Variants in OSBPL5 observed in about 807,000 individuals in gnomAD.
OSBPL5 encodes the protein oxysterol binding protein like 5, also known as oxysterol-binding protein-related protein 5.
A neutral mutation model predicts 111.2 loss-of-function variants in OSBPL5; 71 were observed. The observed-to-expected ratio is 0.64, with a 90% CI of 0.53 to 0.78. The LOEUF (loss-of-function observed/expected upper bound fraction) is 0.78, where lower values mean the gene tolerates loss of function less well. Among genes scored for constraint, OSBPL5 ranks in the 30% least tolerant of loss-of-function variants. The pLI, the probability that OSBPL5 is intolerant of heterozygous loss-of-function variation, is 0.00. For missense variants in OSBPL5, 1,210 were observed against 1,189.3 expected, an observed-to-expected ratio of 1.02 and a Z score of -0.26; for synonymous variants, 549 against 513.9, an observed-to-expected ratio of 1.07 and a Z score of -0.93.
At chr11:3,156,994 CA>C (rs1323146958) in intron 1 of OSBPL5, among the ~76,000 whole-genome samples, 18 of 152,394 alleles carry the variant, frequency 1.2e-4, no homozygotes, top group African/African-American at 4.3e-4. Context: ...ACCCCGTCCA[CA>C]AGGTCAGACG....
At chr11:3,103,759 C>CTGCAGCCCCCTTCCAGCCTA (rs1564829871) in intron 10 of OSBPL5, among the ~76,000 whole-genome samples, 3 of 51,312 alleles carry the variant, frequency 5.8e-5, no homozygotes, top group African/African-American at 2.2e-4. Context: ...TCTTCCAGCT[C>CTGCAGCCCCCTTCCAGCCTA]TGCAGCCCCC....
chr11:3,111,520 C>T (rs947857054), intron 7 of OSBPL5, among the ~76,000 whole-genome samples: 11 of 152,176 alleles, frequency 7.2e-5, no homozygotes, highest in African/African-American at 2.2e-4. Flanking sequence ...GTAAGTTGTG[C>T]GATTGTTTGT....
chr11:3,112,057 ATGTGTATG>A (rs1554898279), intron 7 of OSBPL5, among the ~76,000 whole-genome samples: 2 of 118,242 alleles, frequency 1.7e-5, no homozygotes, highest in Admixed American at 7.6e-5. Flanking sequence ...ATGTGTGTGC[ATGTGTATG>A]TGTGTGTGCA....
chr11:3,150,140 G>C (rs1272955526), intron 1 of OSBPL5, among the ~76,000 whole-genome samples: 6 of 152,134 alleles, frequency 3.9e-5, no homozygotes, highest in Non-Finnish European at 8.8e-5. Flanking sequence ...CTTCCCAAGA[G>C]GGCACTGTTG....
At position 3,126,668 on chromosome 11, in the gene OSBPL5, C is replaced by T; in HGVS notation, c.137-113G>A. 1 of 826,156 alleles carries T rather than the reference C, an allele frequency of 1.2e-6. No individual in the cohort carries two copies. Among genetic ancestry groups the T allele is most frequent in the Admixed American group, 2.8e-5 (1 of 36,024 alleles). The allele number at this position is 826,156 out of a possible 1,614,324, so 51.2% of individuals were successfully genotyped here. On this transcript the variant is annotated intron_variant, in intron 2 of 21. Transcript: ENST00000263650. The surrounding 1 kb of genome is among the most constrained non-coding windows in gnomAD (Gnocchi z 6.5). ...GTGGGTGCGGATGACCTGGGAGGGG[C>T]AGGAAGTCAGCCGGAGGTGGTGGCA...
At position 3,107,698 on chromosome 11, in the gene OSBPL5, C is replaced by T; in HGVS notation, c.866+73G>A. ...CCACCAGAGCAGTGGCTGGGGCTGT[C>T]CTCTCCCCTCTTCCTCGCCTACAAG... On this transcript the variant is annotated intron_variant, in intron 8 of 21. Transcript: ENST00000263650. The surrounding 1 kb of genome is among the most constrained non-coding windows in gnomAD (Gnocchi z 6.1). 7.0e-6 allele frequency: 11 copies of T among 1,566,048 alleles called. No individual in the cohort carries two copies. Among genetic ancestry groups the T allele is most frequent in the Non-Finnish European group, 9.5e-6 (11 of 1,153,408 alleles).
At chr11:3,090,312 G>A (rs1349883214) in intron 20 of OSBPL5, among the ~76,000 whole-genome samples, 2 of 152,194 alleles carry the variant, frequency 1.3e-5, no homozygotes, top group African/African-American at 4.8e-5. Context: ...CCGCTGGGGA[G>A]CCCCTGGCCT....
At chr11:3,095,531 G>A (rs1001497919) in intron 14 of OSBPL5, among the ~76,000 whole-genome samples, 3 of 152,112 alleles carry the variant, frequency 2.0e-5, no homozygotes, top group African/African-American at 7.2e-5. Flanking sequence ...GGGCCCCTGA[G>A]CCAACTATGG....
chr11:3,098,864 GTGC>G (rs1243138107), intron 14 of OSBPL5, among the ~76,000 whole-genome samples: 1 of 151,092 alleles, frequency 6.6e-6, no homozygotes, highest in African/African-American at 2.4e-5. Context: ...GCATGCACTG[GTGC>G]CACGATGGCT....
Position 3,092,100 on chromosome 11 carries a change from G to A in OSBPL5, c.2259+332C>T, listed in dbSNP as rs1287372310. Among the ~76,000 whole-genome samples, 3 of 152,164 alleles carry A rather than the reference G, an allele frequency of 2.0e-5. No individual in the cohort carries two copies. The highest frequency in any genetic ancestry group is 2.0e-4 in the Admixed American group (3 of 15,286). On this transcript the variant is annotated intron_variant, in intron 19 of 21. Transcript: ENST00000263650. This position sits in a 1 kb window ranked among gnomAD's most constrained non-coding sequence, Gnocchi z 5.4. The stretch of plus-strand genomic sequence containing the variant: ...GCTCCTCCTCCTCCTACCTGGGAAG[G>A]GCCCTGGGCTGCCCTGACCTTCTGT...
At position 3,105,695 on chromosome 11, in the gene OSBPL5, C is replaced by G. The variant is rs985466007; in HGVS notation, c.1060-1318G>C. Among the ~76,000 whole-genome samples the G allele has an allele frequency of 2.0e-5, 3 of 152,130 alleles. No individual in the cohort carries two copies. Among genetic ancestry groups the G allele is most frequent in the Non-Finnish European group, 4.4e-5 (3 of 68,018 alleles). ...CCTGGGCTCCTGGATCCTCCCACCTCCCTGCCCCACCTCTGTGAAGCCTTA... is the reference window on the plus strand; with the variant it reads ...CCTGGGCTCCTGGATCCTCCCACCTGCCTGCCCCACCTCTGTGAAGCCTTA... On this transcript the variant is annotated intron_variant, in intron 9 of 21. Coordinates refer to ENST00000263650, the MANE Select transcript of OSBPL5 (RefSeq NM_020896.4). This position sits in a 1 kb window ranked among gnomAD's most constrained non-coding sequence, Gnocchi z 5.2.
At position 3,104,036 on chromosome 11, in the gene OSBPL5, G is replaced by A. The variant is rs1019481513; in HGVS notation, c.1244+157C>T. Among the ~76,000 whole-genome samples, 8 of 152,204 alleles carry A rather than the reference G, an allele frequency of 5.3e-5. No homozygotes were observed. The highest frequency in any genetic ancestry group is 1.9e-4 in the African/African-American group (8 of 41,442). On this transcript the variant is annotated intron_variant, in intron 10 of 21. Transcript: ENST00000263650. This position sits in a 1 kb window ranked among gnomAD's most constrained non-coding sequence, Gnocchi z 5.0. ...CCTCCCAGGCCCATCTTGGAGACAG[G>A]GCCCCCTGGGAGGCTACAGCTGCAG...
intron 2 of OSBPL5, among the ~76,000 whole-genome samples, chr11:3,128,727 A>G (rs1858720829): frequency 6.6e-6 from 1 of 152,138 alleles, no homozygotes; most frequent in Non-Finnish European, 1.5e-5. Context: ...CATAACTCCC[A>G]AAGCCTGGGC....
chr11:3,103,406 C>T lies in OSBPL5; in HGVS notation c.1245-86G>A, dbSNP rs771794807. ...CCCTGACCCTTCCCTCCTACCATCC[C>T]GACCTCCAACCACTCAGCTGGAAAC... is the stretch of plus-strand genomic sequence containing the variant. On this transcript the variant is annotated intron_variant, in intron 10 of 21. Coordinates refer to ENST00000263650, the MANE Select transcript of OSBPL5 (RefSeq NM_020896.4). The T allele has an allele frequency of 4.4e-5, 55 of 1,235,958 alleles. No homozygotes were observed. In the East Asian group the frequency reaches 8.3e-4, roughly 19 times the overall value. The allele number at this position is 1,235,958 out of a possible 1,614,324, so 76.6% of individuals were successfully genotyped here. A position where few individuals can be genotyped will look rare whatever the true frequency, so the allele number is the denominator to read the frequency against.
Position 3,088,119 on chromosome 11 carries a change from T to C in OSBPL5, c.*86A>G. ...TCACAGTGGCTGTGCTTGCCGGGCC[T>C]CTCTGCCTCCATGGAGCAGGCTTAA... On this transcript the variant is annotated 3_prime_UTR_variant, in exon 22 of 22. Coordinates refer to ENST00000263650, the MANE Select transcript of OSBPL5 (RefSeq NM_020896.4). 1 of 1,311,174 alleles carries C rather than the reference T, an allele frequency of 7.6e-7. No individual in the cohort carries two copies. The highest frequency in any genetic ancestry group is 2.3e-4 in the Middle Eastern group (1 of 4,338). 81.2% of individuals were successfully genotyped at this position (1,311,174 alleles called of 1,614,324 possible).
chr11:3,162,762 C>G lies in OSBPL5; in HGVS notation c.-22+2454G>C, dbSNP rs904865544. Among the ~76,000 whole-genome samples the G allele has an allele frequency of 4.6e-5, 7 of 151,962 alleles. No individual in the cohort carries two copies. Among genetic ancestry groups the G allele is most frequent in the Admixed American group, 2.6e-4 (4 of 15,268 alleles). ...CAGTTGCCTCCTCAAGCTGCAGGCT[C>G]GGTAAGTCATCAAGCAAAGCTGGCA... On this transcript the variant is annotated intron_variant, in intron 1 of 21. Coordinates refer to ENST00000263650, the MANE Select transcript of OSBPL5 (RefSeq NM_020896.4). This position sits in a 1 kb window ranked among gnomAD's most constrained non-coding sequence, Gnocchi z 8.1.
intron 10 of OSBPL5, among the ~76,000 whole-genome samples, chr11:3,103,858 GCGCAGC>G (rs1857590854): frequency 1.9e-5 from 2 of 106,538 alleles, no homozygotes; most frequent in African/African-American, 8.6e-5. Context: ...TTTCCAGTCT[GCGCAGC>G]CCCCTTCCTG....
chr11:3,108,153 G>A (rs1047812077), intron 7 of OSBPL5, among the ~76,000 whole-genome samples: 8 of 152,090 alleles, frequency 5.3e-5, no homozygotes, highest in Admixed American at 1.3e-4. Flanking sequence ...GGCAGACATC[G>A]GGAACCCCTG....
At position 3,142,918 on chromosome 11, in the gene OSBPL5, G is replaced by A. The variant is rs1205326002; in HGVS notation, c.-21-13749C>T. 6.6e-6 allele frequency among the ~76,000 whole-genome samples: 1 copy of A among 151,010 alleles called. No individual in the cohort carries two copies. The highest frequency in any genetic ancestry group is 6.6e-5 in the Admixed American group (1 of 15,160). On this transcript the variant is annotated intron_variant, in intron 1 of 21. Coordinates refer to ENST00000263650, the MANE Select transcript of OSBPL5 (RefSeq NM_020896.4). This position sits in a 1 kb window ranked among gnomAD's most constrained non-coding sequence, Gnocchi z 7.1. ...CAGGACAGCGGACGGCACACGGGGTGGGGGTGTGTGAGCAGAGACCCTTGG... is the reference window on the plus strand; with the variant it reads ...CAGGACAGCGGACGGCACACGGGGTAGGGGTGTGTGAGCAGAGACCCTTGG...
Sources: allele counts gnomAD v4.1 joint callset (sites outside exome capture counted in the v4.1 genomes callset), GRCh38; gene constraint gnomAD v4.1.1; non-coding constraint Gnocchi (gnomAD v3.1); transcripts MANE v1.5; gene names NCBI Gene and HGNC (gene_info 2026-07-23, HGNC 2026-07-21).